The following SSH2 variants were observed in gnomAD, a reference collection of about 807,000 sequenced individuals.
SSH2 encodes the protein slingshot protein phosphatase 2.
In SSH2, 37 loss-of-function variants were observed where a neutral mutation model predicts 135.2. That is an observed-to-expected ratio of 0.27 (90% CI 0.21 to 0.36). SSH2 has a LOEUF of 0.36. SSH2 is among the 10% of genes least tolerant of loss of function. SSH2 has a pLI of 1.00. For synonymous variants in SSH2, 628 were observed against 646.2 expected (o/e 0.97, Z 0.43); for missense variants, 1,408 against 1,765.3 (o/e 0.80, Z 3.63).
At chr17:29,912,356 CCTA>C (rs1363161506) in intron 1 of SSH2, among the ~76,000 whole-genome samples, 9 of 152,292 alleles carry the variant, frequency 5.9e-5, no homozygotes, top group Admixed American at 4.6e-4. Flanking sequence ...AAACCATATT[CCTA>C]CTGTTTAAAT....
chr17:29,636,821 G>C lies in SSH2; in HGVS notation c.1428-19C>G. ...CTGTTTGCTGTGGAGGACATACACA[G>C]GAAGTATCTTAATCTGGTTTGTAAA... On this transcript the variant is annotated intron_variant, in intron 14 of 15. Coordinates refer to ENST00000540801, the MANE Select transcript of SSH2 (RefSeq NM_001282129.2). 6.5e-7 allele frequency: 1 copy of C among 1,532,672 alleles called. No homozygotes were observed. The highest frequency in any genetic ancestry group is 8.9e-7 in the Non-Finnish European group (1 of 1,120,586). The allele number at this position is 1,532,672 out of a possible 1,614,324, so 94.9% of individuals were successfully genotyped here. A position where few individuals can be genotyped will look rare whatever the true frequency, so the allele number is the denominator to read the frequency against.
intron 9 of SSH2, among the ~76,000 whole-genome samples, chr17:29,669,523 T>C (rs543067752): frequency 2.3e-4 from 35 of 152,284 alleles, no homozygotes; most frequent in African/African-American, 6.7e-4. Flanking sequence ...GAAAAAGCAT[T>C]ACAACACACA....
chr17:29,740,551 T>C (rs2040522093), intron 3 of SSH2, among the ~76,000 whole-genome samples: 1 of 152,170 alleles, frequency 6.6e-6, no homozygotes, highest in South Asian at 2.1e-4. Context: ...CATACTTTTC[T>C]CTTTTCTCCT....
At chr17:29,661,592 C>T (rs960789396) in intron 11 of SSH2, among the ~76,000 whole-genome samples, 1 of 152,152 alleles carries the variant, frequency 6.6e-6, no homozygotes, top group Non-Finnish European at 1.5e-5. Context: ...CAAGCTTCTG[C>T]ACCAAAGAAA....
intron 1 of SSH2, among the ~76,000 whole-genome samples, chr17:29,893,134 C>T (rs1254051643): frequency 6.6e-6 from 1 of 152,068 alleles, no homozygotes; most frequent in Non-Finnish European, 1.5e-5. Flanking sequence ...GGACTTTCTA[C>T]TCTTCCTTCT....
chr17:29,690,320 G>A (rs1438068424), intron 5 of SSH2, among the ~76,000 whole-genome samples: 7 of 151,196 alleles, frequency 4.6e-5, no homozygotes, highest in African/African-American at 7.3e-5. Context: ...CAGGAGAATC[G>A]CTTGAACCTG....
At chr17:29,859,408 A>G (rs541574360) in intron 1 of SSH2, among the ~76,000 whole-genome samples, 15 of 152,258 alleles carry the variant, frequency 9.9e-5, no homozygotes, top group African/African-American at 3.4e-4. Context: ...TATTAAACCT[A>G]GGACTCATTA....
At chr17:29,695,437 T>G (rs374554163) in intron 5 of SSH2, 22 bp downstream of exon 5, 4 of 1,602,854 alleles carry the variant, frequency 2.5e-6, no homozygotes, top group Admixed American at 3.4e-5. Flanking sequence ...GGAAGAAAAT[T>G]ATGATGACAC....
At chr17:29,881,474 TCTTC>T (rs1315011869) in intron 1 of SSH2, among the ~76,000 whole-genome samples, 1 of 152,078 alleles carries the variant, frequency 6.6e-6, no homozygotes, top group Non-Finnish European at 1.5e-5. Context: ...TTCTTCCTTT[TCTTC>T]CTTTCTTTTC....
chr17:29,684,751 T>A, intron 5 of SSH2, 67 bp from the exon 6 acceptor site: 2 of 1,460,914 alleles, frequency 1.4e-6, no homozygotes, highest in Non-Finnish European at 1.9e-6. Context: ...ATTTCAACCC[T>A]TTTTCATCAG....
chr17:29,775,901 T>C (rs2041688846), intron 3 of SSH2: 1 of 152,240 alleles, frequency 6.6e-6, no homozygotes, highest in South Asian at 2.1e-4. Flanking sequence ...ATTTGGATCA[T>C]GAGCAGCTTC....
intron 5 of SSH2, among the ~76,000 whole-genome samples, chr17:29,690,957 C>A (rs2038447167): frequency 2.0e-5 from 3 of 151,930 alleles, no homozygotes. Flanking sequence ...CACATAGACA[C>A]ACACACTCTC....
chr17:29,736,279 C>T (rs2040361057), intron 3 of SSH2, among the ~76,000 whole-genome samples: 1 of 152,110 alleles, frequency 6.6e-6, no homozygotes, highest in African/African-American at 2.4e-5. Context: ...CTTCTCTAAA[C>T]CTGTTGGACA....
intron 2 of SSH2, among the ~76,000 whole-genome samples, chr17:29,815,654 G>A (rs1055621353): frequency 1.3e-5 from 2 of 152,162 alleles, no homozygotes; most frequent in Non-Finnish European, 2.9e-5. Context: ...TAATAAGTTG[G>A]AAGATCATCA....
chr17:29,904,054 G>A (rs1216332973), intron 1 of SSH2, among the ~76,000 whole-genome samples: 1 of 152,068 alleles, frequency 6.6e-6, no homozygotes, highest in African/African-American at 2.4e-5. Context: ...TGGATTCACA[G>A]CTGAATTTAC....
intron 3 of SSH2, among the ~76,000 whole-genome samples, chr17:29,757,648 T>C (rs1279431952): frequency 6.7e-6 from 1 of 148,982 alleles, no homozygotes; most frequent in African/African-American, 2.5e-5. Flanking sequence ...CCCAGCACTT[T>C]GGGAGGCCAA....
intron 3 of SSH2, among the ~76,000 whole-genome samples, chr17:29,708,269 AAGG>A (rs1301424641): frequency 2.0e-5 from 3 of 152,082 alleles, no homozygotes; most frequent in African/African-American, 7.2e-5. Flanking sequence ...TTCAATTGAC[AAGG>A]AGTTGTCAAT....
At chr17:29,695,852 C>A (rs1489609237) in intron 4 of SSH2, among the ~76,000 whole-genome samples, 1 of 152,070 alleles carries the variant, frequency 6.6e-6, no homozygotes, top group African/African-American at 2.4e-5. Flanking sequence ...AGGTAGCACC[C>A]ACTGGCTGTT....
At chr17:29,758,046 C>T (rs2041186474) in intron 3 of SSH2, among the ~76,000 whole-genome samples, 1 of 148,094 alleles carries the variant, frequency 6.8e-6, no homozygotes, top group African/African-American at 2.6e-5. Flanking sequence ...GGGCCTGTCT[C>T]AAAACAAAAC....
Sources: allele counts gnomAD v4.1 joint callset (sites outside exome capture counted in the v4.1 genomes callset), GRCh38; gene constraint gnomAD v4.1.1; transcripts MANE v1.5; gene names NCBI Gene and HGNC (gene_info 2026-07-23, HGNC 2026-07-21).